Variants in SMAP1 observed in about 807,000 individuals in gnomAD.
The protein encoded by SMAP1 is stromal membrane-associated protein 1.
In SMAP1, 24 loss-of-function variants were observed where a neutral mutation model predicts 58.5. The observed-to-expected ratio is 0.41, with a 90% CI of 0.30 to 0.58. The LOEUF (loss-of-function observed/expected upper bound fraction) is 0.58, where lower values mean the gene tolerates loss of function less well. SMAP1 is among the 20% of genes least tolerant of loss of function. The pLI is 0.29. For missense variants in SMAP1, 563 were observed against 566.3 expected (o/e 0.99, Z 0.06); for synonymous variants, 216 against 196.6 (o/e 1.10, Z -0.82).
chr6:70,858,428 C>CTATT, intron 10 of SMAP1, 199 bp downstream of exon 10: 1 of 470,280 alleles, frequency 2.1e-6, no homozygotes, highest in Non-Finnish European at 3.6e-6. Flanking sequence ...GTTATTATCG[C>CTATT]TATTTTAGAG....
chr6:70,814,122 G>C (rs1769509020), intron 6 of SMAP1, among the ~76,000 whole-genome samples: 1 of 152,138 alleles, frequency 6.6e-6, no homozygotes, highest in African/African-American at 2.4e-5. Context: ...TAGTCTCCCT[G>C]GTTTGCTGCC....
At chr6:70,807,009 GT>G (rs994266909) in intron 6 of SMAP1, among the ~76,000 whole-genome samples, 2 of 152,136 alleles carry the variant, frequency 1.3e-5, no homozygotes, top group African/African-American at 4.8e-5. Context: ...GCAATTTAAA[GT>G]GCTGTTGTAC....
At chr6:70,776,821 T>A (rs549639366) in intron 4 of SMAP1, among the ~76,000 whole-genome samples, 1 of 152,310 alleles carries the variant, frequency 6.6e-6, no homozygotes, top group African/African-American at 2.4e-5. Context: ...ATGGTAGGAT[T>A]TCATTCTTTT....
At chr6:70,796,581 G>A (rs1415346115) in intron 5 of SMAP1, among the ~76,000 whole-genome samples, 1 of 152,202 alleles carries the variant, frequency 6.6e-6, no homozygotes, top group Admixed American at 6.5e-5. Context: ...TGAGTCAGCA[G>A]TAGGTAATGT....
chr6:70,709,464 CTGCAGGTGTG>C (rs1767967828), intron 1 of SMAP1, among the ~76,000 whole-genome samples: 1 of 152,096 alleles, frequency 6.6e-6, no homozygotes, highest in South Asian at 2.1e-4. Context: ...GAGCCTGCGA[CTGCAGGTGTG>C]TGCCACTGTG....
intron 2 of SMAP1, among the ~76,000 whole-genome samples, chr6:70,749,535 A>G (rs112511798): frequency 3.9e-5 from 6 of 152,306 alleles, no homozygotes; most frequent in African/African-American, 1.4e-4. Context: ...TGTAATTGCA[A>G]CTTAATTGTA....
At chr6:70,841,593 A>C (rs1770810600) in intron 7 of SMAP1, among the ~76,000 whole-genome samples, 1 of 152,182 alleles carries the variant, frequency 6.6e-6, no homozygotes, top group Non-Finnish European at 1.5e-5. Context: ...AACATTCATA[A>C]CTTTTACTTT....
intron 6 of SMAP1, among the ~76,000 whole-genome samples, chr6:70,810,897 A>G (rs531380303): frequency 1.3e-5 from 2 of 152,190 alleles, no homozygotes; most frequent in South Asian, 2.1e-4. Context: ...CATTCCATCA[A>G]ATGGATGTAG....
chr6:70,725,111 T>G (rs1210051211), intron 1 of SMAP1, among the ~76,000 whole-genome samples: 2 of 106,596 alleles, frequency 1.9e-5, no homozygotes, highest in African/African-American at 3.8e-5. Flanking sequence ...TTTTTTTTTT[T>G]TTTTTTTTTT....
chr6:70,701,375 A>G (rs1163270311), intron 1 of SMAP1, among the ~76,000 whole-genome samples: 1 of 152,142 alleles, frequency 6.6e-6, no homozygotes, highest in Admixed American at 6.5e-5. Flanking sequence ...CTGGTGTCTT[A>G]CTAGGTCACG....
At chr6:70,783,490 G>A (rs1048825028) in intron 4 of SMAP1, among the ~76,000 whole-genome samples, 8 of 151,944 alleles carry the variant, frequency 5.3e-5, no homozygotes, top group South Asian at 2.1e-4. Flanking sequence ...GGCTTCAGAC[G>A]AACAAACTAC....
intron 1 of SMAP1, among the ~76,000 whole-genome samples, chr6:70,706,555 T>C (rs1767846284): frequency 1.3e-5 from 2 of 152,234 alleles, no homozygotes; most frequent in South Asian, 4.1e-4. Context: ...AGTGAGTTCA[T>C]ATTTTTGGTT....
intron 1 of SMAP1, among the ~76,000 whole-genome samples, chr6:70,673,472 G>A (rs1458474730): frequency 6.6e-6 from 1 of 152,188 alleles, no homozygotes; most frequent in Non-Finnish European, 1.5e-5. Context: ...TCAAAAAGTA[G>A]AAACGTGTAG....
At position 70,821,253 on chromosome 6, in the gene SMAP1, T is replaced by C. The variant is rs182270512; in HGVS notation, c.577-15688T>C. ...TCTGTATGGATTCTTTTGCTGATCA[T>C]TGCGTCTGTGAGATTCATTTATGTC... On this transcript the variant is annotated intron_variant, in intron 6 of 10. Transcript: ENST00000370455. 2.0e-5 allele frequency among the ~76,000 whole-genome samples: 3 copies of C among 152,348 alleles called. No individual in the cohort carries two copies. The East Asian group carries it at 5.8e-4, about 29-fold the overall frequency.
chr6:70,814,728 A>T (rs1769543175), intron 6 of SMAP1, among the ~76,000 whole-genome samples: 1 of 152,136 alleles, frequency 6.6e-6, no homozygotes, highest in Non-Finnish European at 1.5e-5. Flanking sequence ...ATTCAGTGTG[A>T]CTTGAAGAGT....
At chr6:70,853,951 G>GGTCT (rs1015114379) in intron 8 of SMAP1, among the ~76,000 whole-genome samples, 1 of 152,142 alleles carries the variant, frequency 6.6e-6, no homozygotes, top group Non-Finnish European at 1.5e-5. Context: ...CTGTCACTGG[G>GGTCT]GTCTGACAGT....
chr6:70,833,148 TAGA>T (rs987430807), intron 6 of SMAP1, among the ~76,000 whole-genome samples: 23 of 152,206 alleles, frequency 1.5e-4, no homozygotes, highest in Non-Finnish European at 2.9e-4. Context: ...TCTAGAATTT[TAGA>T]AGGATTCCTT....
rs751015500 is a variant in SMAP1 at position 70,858,139 on chromosome 6, C to A, written c.1179C>A (p.Gly393=). The change falls in exon 10 of 11, where the codon GGC becomes GGA. Residue 393 remains glycine, a synonymous_variant. Coordinates refer to ENST00000370455, the MANE Select transcript of SMAP1 (RefSeq NM_001044305.3). ...GVMPLPQNVV[G]PQGGMVGQMG... ...TGCCACTTCCTCAGAACGTTGTTGG[C>A]CCCCAAGGAGGAATGGTGGGACAAA... 3 of 1,613,932 alleles carry A rather than the reference C, an allele frequency of 1.9e-6. No individual in the cohort carries two copies. The highest frequency in any genetic ancestry group is 2.5e-6 in the Non-Finnish European group (3 of 1,179,976).
At chr6:70,857,212 A>G in intron 9 of SMAP1, 182 bp downstream of exon 9, 1 of 487,330 alleles carries the variant, frequency 2.1e-6, no homozygotes, top group South Asian at 5.7e-5. Flanking sequence ...AGAGGCATGT[A>G]CAGGATTCAC....
Sources: gnomAD v4.1 joint callset for allele counts (sites outside exome capture counted in the v4.1 genomes callset) on GRCh38, gnomAD v4.1.1 for gene constraint, MANE v1.5 for transcripts, NCBI Gene and HGNC (gene_info 2026-07-23, HGNC 2026-07-21) for gene names.